Variants in LMX1B observed in about 807,000 individuals in gnomAD.
LMX1B encodes the protein LIM homeobox transcription factor 1-beta.
A neutral mutation model predicts 51.4 loss-of-function variants in LMX1B; 12 were observed. That is an observed-to-expected ratio of 0.23 (90% confidence interval 0.15 to 0.38). The LOEUF (loss-of-function observed/expected upper bound fraction) is 0.38. Ranked by LOEUF, LMX1B falls within the 10% of genes least tolerant of loss-of-function variation. LMX1B has a pLI of 1.00. For synonymous variants in LMX1B, 237 were observed against 235.4 expected (o/e 1.01, Z -0.06); for missense variants, 445 against 571.1 (o/e 0.78, Z 2.25).
Position 126,641,967 on chromosome 9 carries a change from A to T in LMX1B, c.326+26398A>T, listed in dbSNP as rs1835816709. Among the ~76,000 whole-genome samples, 1 of 152,182 alleles carries T rather than the reference A, an allele frequency of 6.6e-6. No individual in the cohort carries two copies. The highest frequency in any genetic ancestry group is 6.5e-5 in the Admixed American group (1 of 15,286). Reference sequence around the variant, plus strand: ...TTTACAGATGACGCAACAGCCTCAGAGCAGACCCATTCCTGCTGGGGTCCT... The same window carrying T: ...TTTACAGATGACGCAACAGCCTCAGTGCAGACCCATTCCTGCTGGGGTCCT... On this transcript the variant is annotated intron_variant, in intron 2 of 7. Coordinates refer to ENST00000373474, the MANE Select transcript of LMX1B (RefSeq NM_001174147.2). This position sits in a 1 kb window ranked among gnomAD's most constrained non-coding sequence, Gnocchi z 4.1.
At chr9:126,686,436 T>C (rs1037723249) in intron 2 of LMX1B, among the ~76,000 whole-genome samples, 1 of 152,202 alleles carries the variant, frequency 6.6e-6, no homozygotes, top group Non-Finnish European at 1.5e-5. Context: ...TATGGAGATA[T>C]CTTCTCACAG....
chr9:126,623,764 C>T (rs4593659), intron 2 of LMX1B, among the ~76,000 whole-genome samples: 7,531 of 152,214 alleles, frequency 0.049, 649 homozygotes, highest in East Asian at 0.41. Flanking sequence ...CTCCTCTGCG[C>T]GGATTGCCCC....
In LMX1B at chr9:126,625,395, G is replaced by C. The variant is rs1835503901; in HGVS notation, c.326+9826G>C. ...GGATGTGTTTGCCTCCTCTGACCGAGAGCACGGGTCCTGCTCTGTCCCCTC... is the reference window on the plus strand; with the variant it reads ...GGATGTGTTTGCCTCCTCTGACCGACAGCACGGGTCCTGCTCTGTCCCCTC... On this transcript the variant is annotated intron_variant, in intron 2 of 7. Transcript: ENST00000373474. This position sits in a 1 kb window ranked among gnomAD's most constrained non-coding sequence, Gnocchi z 5.3. Among the ~76,000 whole-genome samples the C allele has an allele frequency of 6.6e-6, 1 of 152,224 alleles. No individual in the cohort carries two copies. The highest frequency in any genetic ancestry group is 6.5e-5 in the Admixed American group (1 of 15,288).
intron 2 of LMX1B, among the ~76,000 whole-genome samples, chr9:126,617,806 CATT>C (rs1835331272): frequency 6.6e-6 from 1 of 150,376 alleles, no homozygotes; most frequent in Non-Finnish European, 1.5e-5. Context: ...GTGGGGAGTG[CATT>C]ATTCTAGCTG....
Position 126,690,912 on chromosome 9 carries a change from G to A in LMX1B, c.403G>A (p.Val135Met), listed in dbSNP as rs920920653. 9 of 1,613,930 alleles carry A rather than the reference G, an allele frequency of 5.6e-6. No individual in the cohort carries two copies. Among genetic ancestry groups the A allele is most frequent in the East Asian group, 2.2e-5 (1 of 44,882 alleles). Residue 135 changes from valine to methionine, a missense_variant, in exon 3 of 8, where the codon GTG becomes ATG. By Grantham distance (21) the Val-to-Met change is conservative. Around this residue, in one of 3 missense-constraint regions of LMX1B, gnomAD observed 273 missense variants for 343.3 expected, o/e 0.80. Coordinates refer to ENST00000373474, the MANE Select transcript of LMX1B (RefSeq NM_001174147.2). ...TEFVMRALECVYHLGCFCCCV... is the reference protein window; with the variant it reads ...TEFVMRALECMYHLGCFCCCV... ...GTTCGTGATGCGGGCGCTGGAGTGC[G>A]TGTACCACCTGGGCTGCTTCTGCTG...
At chr9:126,687,825 CCTT>C (rs1270170659) in intron 2 of LMX1B, among the ~76,000 whole-genome samples, 30 of 152,262 alleles carry the variant, frequency 2.0e-4, no homozygotes, top group African/African-American at 4.8e-4. Context: ...TGTGGCTGGG[CCTT>C]CTTCTCAGTG....
intron 2 of LMX1B, among the ~76,000 whole-genome samples, chr9:126,621,650 CTCTTCTTTTTTT>C (rs1246466317): frequency 3.1e-5 from 2 of 65,510 alleles, no homozygotes; most frequent in East Asian, 3.9e-4. Flanking sequence ...CTCTCTCTCT[CTCTTCTTTTTTT>C]TTTTTTTTTT....
chr9:126,661,527 G>T (rs1331456829), intron 2 of LMX1B, among the ~76,000 whole-genome samples: 1 of 152,190 alleles, frequency 6.6e-6, no homozygotes, highest in Non-Finnish European at 1.5e-5. Context: ...GGTTTAATGG[G>T]CCAGCCCCGG....
rs888778025 is a variant in LMX1B, at chr9:126,658,113, T to C, written c.327-32723T>C. ...GAGTGGGAACAACCAAGCCGGAGAC[T>C]CCTGGGTATGAAGGGCAGAGAGGGA... On this transcript the variant is annotated intron_variant, in intron 2 of 7. Coordinates refer to ENST00000373474, the MANE Select transcript of LMX1B (RefSeq NM_001174147.2). This position sits in a 1 kb window ranked among gnomAD's most constrained non-coding sequence, Gnocchi z 4.0. Among the ~76,000 whole-genome samples, 15 of 151,802 alleles carry C rather than the reference T, an allele frequency of 9.9e-5. No homozygotes were observed. Among genetic ancestry groups the C allele is most frequent in the African/African-American group, 3.6e-4 (15 of 41,280 alleles).
chr9:126,696,393 G>T lies in LMX1B; in HGVS notation c.1151G>T (p.Arg384Leu). The change falls in exon 8 of 8, where the codon CGC (arginine) becomes CTC (leucine). Residue 384 changes from arginine to leucine, a missense_variant. Coordinates refer to ENST00000373474, the MANE Select transcript of LMX1B (RefSeq NM_001174147.2). ...GSSDVGSLQA[R>L]VGNPIDRLYS... is the part of the protein sequence containing the mutation. ...TCAGACGTGGGCTCCCTGCAGGCCC[G>T]CGTGGGGAACCCCATCGACCGGCTC... 1 of 1,614,032 alleles carries T rather than the reference G, an allele frequency of 6.2e-7. No individual in the cohort carries two copies. Among genetic ancestry groups the T allele is most frequent in the Non-Finnish European group, 8.5e-7 (1 of 1,179,964 alleles).
In LMX1B at chr9:126,614,418, G is replaced by T. The variant is rs771509217; in HGVS notation, c.-32G>T. 8.3e-6 allele frequency: 12 copies of T among 1,438,322 alleles called. No individual in the cohort carries two copies. The Middle Eastern group carries it at 9.1e-4, about 110-fold the overall frequency. The allele number at this position is 1,438,322 out of a possible 1,614,324, so 89.1% of individuals were successfully genotyped here. ...GACGGGCCGGCGGGCGAGCAGCCCG[G>T]CCGGCGGGGTCCGCAGCGCGCCCCG... is the stretch of plus-strand genomic sequence containing the variant. On this transcript the variant is annotated 5_prime_UTR_variant, in exon 1 of 8. Coordinates refer to ENST00000373474, the MANE Select transcript of LMX1B (RefSeq NM_001174147.2).
chr9:126,685,076 G>T (rs1836746933), intron 2 of LMX1B, among the ~76,000 whole-genome samples: 1 of 152,196 alleles, frequency 6.6e-6, no homozygotes, highest in Admixed American at 6.5e-5. Flanking sequence ...CTGATTTCTG[G>T]GTTGGTAGGG....
Position 126,690,823 on chromosome 9 carries a change from T to C in LMX1B, c.327-13T>C, listed in dbSNP as rs755470456. ...CTGAGCACCGCCAACACGCCCGCTT[T>C]GTGCATCCGCAGGCTCTTCGCGGCC... On this transcript the variant is annotated splice_polypyrimidine_tract_variant and intron_variant, in intron 2 of 7. Coordinates refer to ENST00000373474, the MANE Select transcript of LMX1B (RefSeq NM_001174147.2). The C allele has an allele frequency of 1.4e-5, 23 of 1,599,088 alleles. No homozygotes were observed. In the Admixed American group the frequency reaches 3.7e-4, roughly 26 times the overall value.
chr9:126,665,694 G>A (rs1409296556), intron 2 of LMX1B, among the ~76,000 whole-genome samples: 4 of 152,218 alleles, frequency 2.6e-5, no homozygotes, highest in Admixed American at 1.3e-4. Context: ...CCTTCCACCC[G>A]CTTCACCAGC....
At chr9:126,691,189 G>A in intron 3 of LMX1B, 121 bp downstream of exon 3, 1 of 698,964 alleles carries the variant, frequency 1.4e-6, no homozygotes, top group East Asian at 2.7e-5. Flanking sequence ...CACACAGATG[G>A]TACATGCATA....
intron 2 of LMX1B, among the ~76,000 whole-genome samples, chr9:126,652,105 C>T (rs1228156944): frequency 6.6e-6 from 1 of 151,824 alleles, no homozygotes; most frequent in Non-Finnish European, 1.5e-5. Flanking sequence ...GCCCCTCAGA[C>T]CCAGGTGGAG....
intron 2 of LMX1B, among the ~76,000 whole-genome samples, chr9:126,674,043 C>G (rs188775979): frequency 0.015 from 2,299 of 152,218 alleles, 29 homozygotes; most frequent in Non-Finnish European, 0.022. Context: ...CCTGCCTCAT[C>G]CATGGGGTAG....
chr9:126,663,868 G>A (rs1317729844), intron 2 of LMX1B, among the ~76,000 whole-genome samples: 2 of 152,344 alleles, frequency 1.3e-5, no homozygotes, highest in Non-Finnish European at 1.5e-5. Context: ...CCCATGGGGC[G>A]GGGCAGCAGG....
intron 2 of LMX1B, among the ~76,000 whole-genome samples, chr9:126,627,047 C>A (rs756500187): frequency 3.3e-5 from 5 of 152,324 alleles, no homozygotes; most frequent in Non-Finnish European, 7.4e-5. Context: ...CCAGTCGGCT[C>A]CAGTGGAAAG....
Sources: gnomAD v4.1 joint callset for allele counts (sites outside exome capture counted in the v4.1 genomes callset) on GRCh38, gnomAD v4.1.1 for gene constraint, gnomAD v4.1.1 regional missense constraint, Gnocchi (gnomAD v3.1) non-coding constraint, MANE v1.5 for transcripts, NCBI Gene and HGNC (gene_info 2026-07-23, HGNC 2026-07-21) for gene names.